The following TMEM178B variants were observed in gnomAD, a reference collection of about 807,000 sequenced individuals.
TMEM178B encodes transmembrane protein 178B.
TMEM178B carries 5 observed loss-of-function variants against 31.0 expected under a neutral mutation model. The observed-to-expected ratio is 0.16, with a 90% CI of 0.08 to 0.34. The LOEUF (loss-of-function observed/expected upper bound fraction) is 0.34, where lower values mean the gene tolerates loss of function less well. Among genes scored for constraint, TMEM178B ranks in the 10% least tolerant of loss-of-function variants. The pLI, the probability that TMEM178B is intolerant of heterozygous loss-of-function variation, is 1.00. For missense variants in TMEM178B, 275 were observed against 400.3 expected (o/e 0.69, Z 2.67); for synonymous variants, 164 against 164.0 (o/e 1.00, Z 0.00).
At chr7:141,294,739 T>C (rs980617198) in intron 2 of TMEM178B, among the ~76,000 whole-genome samples, 12 of 152,120 alleles carry the variant, frequency 7.9e-5, no homozygotes, top group Admixed American at 6.5e-4. Context: ...CTTGAGAGAA[T>C]ATAGAGAAGA....
At chr7:141,335,410 C>T (rs746879862) in intron 2 of TMEM178B, among the ~76,000 whole-genome samples, 37 of 152,178 alleles carry the variant, frequency 2.4e-4, no homozygotes, top group Admixed American at 1.3e-3. Context: ...CTGGAAATGA[C>T]GCTGCTTTAG....
At chr7:141,374,446 C>T (rs991931860) in intron 2 of TMEM178B, among the ~76,000 whole-genome samples, 1 of 152,162 alleles carries the variant, frequency 6.6e-6, no homozygotes, top group Non-Finnish European at 1.5e-5. Context: ...CCTTCTCCCA[C>T]CTCTTCTTCA....
chr7:141,499,052 A>T, the TMEM178B span, among the ~76,000 whole-genome samples: 2 of 152,200 alleles, frequency 1.3e-5, no homozygotes, highest in Non-Finnish European at 2.9e-5. Context: ...TACCACAGCC[A>T]CCATACGCAT....
At chr7:141,104,570 TG>T (rs1323601088) in intron 1 of TMEM178B, among the ~76,000 whole-genome samples, 3 of 152,236 alleles carry the variant, frequency 2.0e-5, no homozygotes, top group Non-Finnish European at 4.4e-5. Flanking sequence ...TCATTGAGAC[TG>T]AATCATGTCT....
chr7:141,464,774 A>G (rs1195905161), intron 3 of TMEM178B, among the ~76,000 whole-genome samples: 1 of 152,054 alleles, frequency 6.6e-6, no homozygotes, highest in African/African-American at 2.4e-5. Flanking sequence ...CTATGCCACC[A>G]ATGCCCCCTC....
At chr7:141,340,060 T>C (rs1330206707) in intron 2 of TMEM178B, among the ~76,000 whole-genome samples, 1 of 152,244 alleles carries the variant, frequency 6.6e-6, no homozygotes, top group Admixed American at 6.5e-5. Flanking sequence ...GAACATGTTA[T>C]CTTACATGGA....
the TMEM178B span, among the ~76,000 whole-genome samples, chr7:141,490,146 C>T: frequency 6.6e-6 from 1 of 152,178 alleles, no homozygotes; most frequent in Non-Finnish European, 1.5e-5. Context: ...CCCTCCCCAG[C>T]CTCCACACTA....
chr7:141,305,134 C>T (rs533216415), intron 2 of TMEM178B, among the ~76,000 whole-genome samples: 1 of 152,176 alleles, frequency 6.6e-6, no homozygotes, highest in Non-Finnish European at 1.5e-5. Context: ...ACATATTGGG[C>T]TTTCCAAACT....
At chr7:141,104,867 A>G (rs1023350003) in intron 1 of TMEM178B, among the ~76,000 whole-genome samples, 3 of 151,954 alleles carry the variant, frequency 2.0e-5, no homozygotes, top group African/African-American at 4.8e-5. Context: ...TACCTTAACT[A>G]CCTCTGTAAA....
intron 1 of TMEM178B, among the ~76,000 whole-genome samples, chr7:141,096,666 T>C (rs1586765587): frequency 1.3e-5 from 2 of 152,360 alleles, no homozygotes; most frequent in Admixed American, 1.3e-4. Flanking sequence ...GTCTCTTCTG[T>C]ATCTTTTGTA....
intron 1 of TMEM178B, among the ~76,000 whole-genome samples, chr7:141,129,865 G>T (rs978272582): frequency 1.3e-5 from 2 of 152,138 alleles, no homozygotes; most frequent in Non-Finnish European, 2.9e-5. Flanking sequence ...GGGCTGCACG[G>T]CTTCCAGGCT....
chr7:141,509,505 C>G, the TMEM178B span, among the ~76,000 whole-genome samples: 1 of 152,134 alleles, frequency 6.6e-6, no homozygotes, highest in African/African-American at 2.4e-5. Context: ...GAAAAATTAG[C>G]TGGGCATGGT....
At chr7:141,352,306 C>G (rs1799744510) in intron 2 of TMEM178B, 1 of 152,050 alleles carries the variant, frequency 6.6e-6, no homozygotes, top group Admixed American at 6.6e-5. Flanking sequence ...CAGACTGTGC[C>G]AAGGAGCTGG....
In TMEM178B at chr7:141,349,538, C is replaced by A. The variant is rs1027399463; in HGVS notation, c.497-88070C>A. Among the ~76,000 whole-genome samples the A allele has an allele frequency of 2.9e-4, 44 of 152,120 alleles. 1 individual carries two copies. Among genetic ancestry groups the A allele is most frequent in the African/African-American group, 1.0e-3 (43 of 41,408 alleles). On this transcript the variant is annotated intron_variant, in intron 2 of 3. Coordinates refer to ENST00000565468, the MANE Select transcript of TMEM178B (RefSeq NM_001195278.2). ...GAGGTGCTTGGGTTGCAGCAATGAGCAAAACAGACAAAGATCCCTGTATTC... is the reference window on the plus strand; with the variant it reads ...GAGGTGCTTGGGTTGCAGCAATGAGAAAAACAGACAAAGATCCCTGTATTC...
the TMEM178B span, among the ~76,000 whole-genome samples, chr7:141,510,885 A>T: frequency 6.6e-6 from 1 of 151,944 alleles, no homozygotes; most frequent in East Asian, 1.9e-4. Context: ...AGCCACAAAG[A>T]AGGGTGACAA....
At chr7:141,209,285 C>T (rs1350788550) in intron 1 of TMEM178B, among the ~76,000 whole-genome samples, 2 of 152,190 alleles carry the variant, frequency 1.3e-5, no homozygotes, top group Non-Finnish European at 2.9e-5. Context: ...AGACACTGTT[C>T]TGTGATCATA....
At chr7:141,119,463 G>A (rs2129176175) in intron 1 of TMEM178B, among the ~76,000 whole-genome samples, 1 of 152,256 alleles carries the variant, frequency 6.6e-6, no homozygotes, top group Non-Finnish European at 1.5e-5. Flanking sequence ...TCAGACTAGA[G>A]TGACTTAGTG....
intron 2 of TMEM178B, among the ~76,000 whole-genome samples, chr7:141,294,348 CA>C (rs767085422): frequency 9.2e-4 from 140 of 152,272 alleles, no homozygotes; most frequent in Non-Finnish European, 1.5e-3. Context: ...CTGAGACAGC[CA>C]GGCCTTTTAT....
At chr7:141,337,212 T>TCACCACCAC (rs879879615) in intron 2 of TMEM178B, among the ~76,000 whole-genome samples, 1 of 18,496 alleles carries the variant, frequency 5.4e-5, no homozygotes, top group African/African-American at 2.3e-4. Context: ...ACCACCACCA[T>TCACCACCAC]CACCACCACC....
Sources: allele counts gnomAD v4.1 joint callset (sites outside exome capture counted in the v4.1 genomes callset), GRCh38; gene constraint gnomAD v4.1.1; transcripts MANE v1.5; gene names NCBI Gene and HGNC (gene_info 2026-07-23, HGNC 2026-07-21).